Variants in TBC1D14 observed in about 807,000 individuals in gnomAD.
TBC1D14 encodes TBC1 domain family, member 14.
In TBC1D14, 26 loss-of-function variants were observed where a neutral mutation model predicts 79.0. The ratio of observed to expected loss-of-function variants is 0.33; its 90% confidence interval spans 0.24 to 0.46. The LOEUF (loss-of-function observed/expected upper bound fraction) is 0.46. Among genes scored for constraint, TBC1D14 ranks in the 20% least tolerant of loss-of-function variants. The pLI, the probability that TBC1D14 is intolerant of heterozygous loss-of-function variation, is 1.00. For missense variants in TBC1D14, 769 were observed against 887.6 expected, an observed-to-expected ratio of 0.87 and a Z score of 1.70; for synonymous variants, 394 against 349.9, an observed-to-expected ratio of 1.13 and a Z score of -1.40.
At chr4:6,954,208 C>A in intron 2 of TBC1D14, 1 of 704,754 alleles carries the variant, frequency 1.4e-6, no homozygotes. Flanking sequence ...TGGAGTTTCC[C>A]CGGGACTGTG....
At chr4:6,926,106 G>C (rs1724275324) in intron 2 of TBC1D14, among the ~76,000 whole-genome samples, 1 of 152,198 alleles carries the variant, frequency 6.6e-6, no homozygotes, top group Admixed American at 6.5e-5. Context: ...GGAGGAGCGT[G>C]GCCCGTGTGC....
intron 2 of TBC1D14, among the ~76,000 whole-genome samples, chr4:6,929,039 G>T (rs1409408996): frequency 2.0e-5 from 3 of 152,192 alleles, no homozygotes; most frequent in African/African-American, 7.2e-5. Context: ...TATTGCTGGT[G>T]ACTTTGCCCT....
intron 2 of TBC1D14, chr4:6,954,245 G>C: frequency 2.8e-6 from 2 of 716,778 alleles, no homozygotes; most frequent in South Asian, 3.0e-5. Context: ...AATGCGGCAC[G>C]GGGAGAGTCC....
intron 3 of TBC1D14, among the ~76,000 whole-genome samples, chr4:6,989,185 A>G (rs1264348694): frequency 2.0e-5 from 3 of 152,120 alleles, no homozygotes; most frequent in African/African-American, 7.2e-5. Flanking sequence ...TCTTGTCTTT[A>G]GCACTGTGCA....
intron 3 of TBC1D14, among the ~76,000 whole-genome samples, chr4:6,985,149 T>TA (rs1204948357): frequency 6.6e-6 from 1 of 152,222 alleles, no homozygotes; most frequent in African/African-American, 2.4e-5. Flanking sequence ...ATCTTACTGC[T>TA]AAATACTTCA....
chr4:6,958,458 G>A (rs188785898), intron 2 of TBC1D14, among the ~76,000 whole-genome samples: 41 of 151,268 alleles, frequency 2.7e-4, no homozygotes, highest in East Asian at 2.1e-3. Context: ...ACAGGGTCTC[G>A]CTGTGTCACC....
At chr4:7,001,650 C>T (rs1251758370) in intron 7 of TBC1D14, among the ~76,000 whole-genome samples, 2 of 152,178 alleles carry the variant, frequency 1.3e-5, no homozygotes, top group African/African-American at 4.8e-5. Context: ...TTTTTTCAGG[C>T]AGCCTTGGAG....
chr4:7,012,141 A>C (rs1462921179), intron 11 of TBC1D14, among the ~76,000 whole-genome samples: 1 of 151,956 alleles, frequency 6.6e-6, no homozygotes, highest in East Asian at 2.0e-4. Flanking sequence ...CTCTACTAAA[A>C]ATACAAAATA....
chr4:7,026,290 C>A (rs554717767), intron 13 of TBC1D14, among the ~76,000 whole-genome samples: 8 of 152,316 alleles, frequency 5.3e-5, no homozygotes, highest in African/African-American at 1.9e-4. Context: ...TCCCACCTCT[C>A]CCCTTCCCAC....
rs1560256489 is a variant in TBC1D14 at position 6,933,280 on chromosome 4, CT to C, written c.722+9171del. Among the ~76,000 whole-genome samples, 15 of 18,852 alleles carry C rather than the reference CT, an allele frequency of 8.0e-4. 4 individuals carry two copies. The East Asian group carries it at 0.011, about 14-fold the overall frequency. 12.4% of individuals were successfully genotyped at this position (18,852 alleles called of 152,430 possible). On this transcript the variant is annotated intron_variant, in intron 2 of 13. Coordinates refer to ENST00000409757, the MANE Select transcript of TBC1D14 (RefSeq NM_020773.3). Reference sequence around the variant, plus strand: ...TCCCCTCCCCTCCCTTCCCCTCCCCCTTCCCCTTCCCCTTCCCCTTCCCCTT... The same window carrying C: ...TCCCCTCCCCTCCCTTCCCCTCCCCCTCCCCTTCCCCTTCCCCTTCCCCTT...
At chr4:6,969,249 A>T (rs138788700) in intron 3 of TBC1D14, among the ~76,000 whole-genome samples, 1 of 152,240 alleles carries the variant, frequency 6.6e-6, no homozygotes, top group Admixed American at 6.5e-5. Context: ...AAGCTTAGCT[A>T]TAAATTTCTT....
intron 1 of TBC1D14, among the ~76,000 whole-genome samples, chr4:6,915,398 C>G (rs895871679): frequency 6.6e-6 from 1 of 152,138 alleles, no homozygotes; most frequent in Non-Finnish European, 1.5e-5. Context: ...TTTGTTATTC[C>G]CATCTGGAAA....
chr4:6,961,620 G>A (rs1016669737), intron 2 of TBC1D14, among the ~76,000 whole-genome samples: 3 of 152,204 alleles, frequency 2.0e-5, no homozygotes, highest in Non-Finnish European at 4.4e-5. Flanking sequence ...TTGGAGCCAC[G>A]ACGCCATTGC....
chr4:6,937,888 C>G (rs999063665), intron 2 of TBC1D14, among the ~76,000 whole-genome samples: 1 of 152,044 alleles, frequency 6.6e-6, no homozygotes, highest in African/African-American at 2.4e-5. Context: ...GTCACACAGC[C>G]GGCTGGGAGT....
chr4:7,030,309 C>G lies in TBC1D14; in HGVS notation c.2017-18C>G, dbSNP rs750446945. 5.6e-6 allele frequency: 9 copies of G among 1,612,972 alleles called. No homozygotes were observed. The highest frequency in any genetic ancestry group is 5.9e-6 in the Non-Finnish European group (7 of 1,179,164). ...TGCGTGGTCACTTAACCTCAGCTGT[C>G]TTCCCTGTGACTTCTAGGTACTGAC... is the stretch of plus-strand genomic sequence containing the variant. On this transcript the variant is annotated intron_variant, in intron 13 of 13. Transcript: ENST00000409757.
At chr4:6,935,800 C>T (rs1244975073) in intron 2 of TBC1D14, among the ~76,000 whole-genome samples, 4 of 151,916 alleles carry the variant, frequency 2.6e-5, no homozygotes, top group East Asian at 1.9e-4. Flanking sequence ...TGTGCCACCA[C>T]ACCCAGCTAA....
chr4:6,967,670 T>G (rs1451427401), intron 3 of TBC1D14, among the ~76,000 whole-genome samples: 1 of 152,226 alleles, frequency 6.6e-6, no homozygotes, highest in Non-Finnish European at 1.5e-5. Context: ...TTTATAATGG[T>G]ATTTAGACAG....
At chr4:6,945,130 A>C (rs528603011) in intron 2 of TBC1D14, among the ~76,000 whole-genome samples, 1 of 152,260 alleles carries the variant, frequency 6.6e-6, no homozygotes, top group East Asian at 1.9e-4. Flanking sequence ...CAGGGGCTAC[A>C]TTGTGTCAGG....
chr4:6,975,183 G>C (rs1293614867), intron 3 of TBC1D14, among the ~76,000 whole-genome samples: 1 of 151,478 alleles, frequency 6.6e-6, no homozygotes, highest in African/African-American at 2.4e-5. Context: ...CAAAGTGCTA[G>C]GATTACAGGC....
Sources: allele counts gnomAD v4.1 joint callset (sites outside exome capture counted in the v4.1 genomes callset), GRCh38; gene constraint gnomAD v4.1.1; transcripts MANE v1.5; gene names NCBI Gene and HGNC (gene_info 2026-07-23, HGNC 2026-07-21).